The following MARCHF4 variants were observed in gnomAD, a reference collection of about 807,000 sequenced individuals.
MARCHF4 encodes E3 ubiquitin-protein ligase MARCHF4.
In MARCHF4, 14 loss-of-function variants were observed where a neutral mutation model predicts 43.9. The observed-to-expected ratio is 0.32, with a 90% CI of 0.21 to 0.50. MARCHF4 has a LOEUF of 0.50. Ranked by LOEUF, MARCHF4 falls within the 20% of genes least tolerant of loss-of-function variation. The pLI is 0.98. For missense variants in MARCHF4, 468 were observed against 536.7 expected, an observed-to-expected ratio of 0.87 and a Z score of 1.27; for synonymous variants, 226 against 213.3, an observed-to-expected ratio of 1.06 and a Z score of -0.52.
At chr2:216,321,100 C>T (rs1244247271) in intron 1 of MARCHF4, among the ~76,000 whole-genome samples, 1 of 152,046 alleles carries the variant, frequency 6.6e-6, no homozygotes, top group Non-Finnish European at 1.5e-5. Context: ...TGGAGCGAGA[C>T]AAGAAGTTCT....
At chr2:216,280,307 T>G (rs1206166619) in intron 2 of MARCHF4, among the ~76,000 whole-genome samples, 1 of 152,020 alleles carries the variant, frequency 6.6e-6, no homozygotes, top group Non-Finnish European at 1.5e-5. Context: ...ACTCCCATCC[T>G]GCAGCACCAA....
chr2:216,331,606 A>G (rs1692082103), intron 1 of MARCHF4, among the ~76,000 whole-genome samples: 1 of 152,204 alleles, frequency 6.6e-6, no homozygotes, highest in Non-Finnish European at 1.5e-5. Flanking sequence ...AATTGAATCC[A>G]ATGATACATA....
rs1269539980 is a variant in MARCHF4, at chr2:216,369,864, T to C, written c.397A>G (p.Ser133Gly). The C allele has an allele frequency of 6.2e-7, 1 of 1,613,916 alleles. No homozygotes were observed. Among genetic ancestry groups the C allele is most frequent in the Non-Finnish European group, 8.5e-7 (1 of 1,180,024 alleles). The change falls in exon 1 of 4, where the codon AGT becomes GGT. Residue 133 changes from serine (S) to glycine (G), a missense_variant. Physicochemically the swap from Ser to Gly is moderately conservative, Grantham distance 56. Around this residue, in one of 3 missense-constraint regions of MARCHF4, gnomAD observed 158 missense variants for 251.1 expected, o/e 0.63. Coordinates refer to ENST00000273067, the MANE Select transcript of MARCHF4 (RefSeq NM_020814.3). ...TTACAGAAGTCATCTGAGGAGGCAC[T>C]GCTGAGCAGCGAGGCAGGTGGCTCT... ...ATEPPASLLS[S>G]ASSDDFCKEK... is the part of the protein sequence containing the mutation.
intron 1 of MARCHF4, among the ~76,000 whole-genome samples, chr2:216,348,411 T>C (rs147834905): frequency 6.6e-6 from 1 of 152,202 alleles, no homozygotes; most frequent in East Asian, 1.9e-4. Flanking sequence ...ACCTTGCTGA[T>C]AAAATAGGTG....
chr2:216,283,498 A>T, intron 2 of MARCHF4, 76 bp downstream of exon 2: 1 of 1,486,218 alleles, frequency 6.7e-7, no homozygotes, highest in South Asian at 1.4e-5. Context: ...ATCTAAGGTG[A>T]AGTAAGCCTC....
At chr2:216,355,278 C>T (rs1338914145) in intron 1 of MARCHF4, among the ~76,000 whole-genome samples, 1 of 151,928 alleles carries the variant, frequency 6.6e-6, no homozygotes. Flanking sequence ...GGCCCTAATA[C>T]TTGTATTTTT....
At chr2:216,274,024 T>C (rs949081962) in intron 3 of MARCHF4, among the ~76,000 whole-genome samples, 9 of 152,214 alleles carry the variant, frequency 5.9e-5, no homozygotes, top group African/African-American at 2.2e-4. Flanking sequence ...ATCACTTGAG[T>C]TGGGGGCAAC....
chr2:216,349,691 C>T lies in MARCHF4; in HGVS notation c.516+20054G>A, dbSNP rs556771551. Among the ~76,000 whole-genome samples the T allele has an allele frequency of 7.2e-5, 11 of 152,166 alleles. No individual in the cohort carries two copies. In the East Asian group the frequency reaches 1.9e-3, roughly 27 times the overall value. ...AATGCCTTTGAATGGAAATGAAAGG[C>T]AGAGAGCTATGGAGTCTATATGGAG... is the stretch of plus-strand genomic sequence containing the variant. On this transcript the variant is annotated intron_variant, in intron 1 of 3. Transcript: ENST00000273067.
rs958612603 is a variant in MARCHF4, at chr2:216,369,980, CG to C, written c.280del (p.Arg94GlufsTer65). ...AGGGGGCTCCCTGCCCACCACTTCT[CG>C]GGGGCCCCTCCAGCCTGCCCACCCC... The part of the protein sequence containing the change: ...AGGWAGWRGP[R>X]EVVGREPPPV... On this transcript the variant is annotated frameshift_variant, in exon 1 of 4. Coordinates refer to ENST00000273067, the MANE Select transcript of MARCHF4 (RefSeq NM_020814.3). LOFTEE classifies it high-confidence loss of function. 2 of 1,552,806 alleles carry C rather than the reference CG, an allele frequency of 1.3e-6. No homozygotes were observed. Among genetic ancestry groups the C allele is most frequent in the Non-Finnish European group, 1.7e-6 (2 of 1,145,774 alleles).
chr2:216,267,324 G>A (rs1412858233), intron 3 of MARCHF4, among the ~76,000 whole-genome samples: 1 of 152,166 alleles, frequency 6.6e-6, no homozygotes, highest in African/African-American at 2.4e-5. Flanking sequence ...AATGAGGTTT[G>A]CCCAATAAAA....
intron 1 of MARCHF4, among the ~76,000 whole-genome samples, chr2:216,305,463 A>T (rs1461304825): frequency 2.6e-5 from 4 of 152,196 alleles, no homozygotes; most frequent in African/African-American, 9.7e-5. Context: ...ATTCACCTTA[A>T]GTATCACCTT....
intron 1 of MARCHF4, among the ~76,000 whole-genome samples, chr2:216,332,973 G>C (rs1186426267): frequency 6.6e-6 from 1 of 152,166 alleles, no homozygotes; most frequent in East Asian, 1.9e-4. Context: ...ACCAAAAAAA[G>C]TGCATCTTGA....
intron 3 of MARCHF4, among the ~76,000 whole-genome samples, chr2:216,263,493 AAGAGAGAGAGAG>A (rs150783185): frequency 1.7e-5 from 1 of 58,886 alleles, no homozygotes. Flanking sequence ...AGGAGAGAGA[AAGAGAGAGAGAG>A]AGAGAGAGAG....
chr2:216,296,704 C>T (rs1243399702), intron 1 of MARCHF4, among the ~76,000 whole-genome samples: 45 of 152,226 alleles, frequency 3.0e-4, no homozygotes, highest in Admixed American at 2.9e-3. Context: ...TTTATAAAGA[C>T]ATTGCAGTAA....
At chr2:216,328,170 T>C (rs1448166312) in intron 1 of MARCHF4, among the ~76,000 whole-genome samples, 2 of 152,088 alleles carry the variant, frequency 1.3e-5, no homozygotes, top group Admixed American at 1.3e-4. Flanking sequence ...ATTTATTTTG[T>C]TTTGTTTTGG....
intron 2 of MARCHF4, among the ~76,000 whole-genome samples, chr2:216,280,106 T>G (rs1028519547): frequency 8.6e-5 from 13 of 150,986 alleles, no homozygotes; most frequent in Admixed American, 2.6e-4. Flanking sequence ...CAGGGTGGGG[T>G]TCTATGGACA....
chr2:216,358,150 AC>A (rs945353594), intron 1 of MARCHF4, among the ~76,000 whole-genome samples: 3 of 152,358 alleles, frequency 2.0e-5, no homozygotes, highest in African/African-American at 7.2e-5. Context: ...TGGGACAGGT[AC>A]TATTATTATC....
chr2:216,289,140 G>A (rs899505222), intron 1 of MARCHF4, among the ~76,000 whole-genome samples: 3 of 150,628 alleles, frequency 2.0e-5, no homozygotes, highest in South Asian at 2.1e-4. Flanking sequence ...GCAGTGGCAC[G>A]ATCTCAGCTC....
At chr2:216,319,451 AC>A (rs1474590514) in intron 1 of MARCHF4, among the ~76,000 whole-genome samples, 1 of 152,156 alleles carries the variant, frequency 6.6e-6, no homozygotes, top group Admixed American at 6.5e-5. Context: ...AATGAAATGA[AC>A]CTCTTGAGAC....
Sources: gnomAD v4.1 joint callset for allele counts (sites outside exome capture counted in the v4.1 genomes callset) on GRCh38, gnomAD v4.1.1 for gene constraint, gnomAD v4.1.1 regional missense constraint, MANE v1.5 for transcripts, NCBI Gene and HGNC (gene_info 2026-07-23, HGNC 2026-07-21) for gene names.